VWC2: variants seen among roughly 807,000 people sequenced by gnomAD.
VWC2 encodes brorin.
A neutral mutation model predicts 29.8 loss-of-function variants in VWC2; 14 were observed. That is an observed-to-expected ratio of 0.47 (90% CI 0.31 to 0.74). The LOEUF is 0.74. VWC2 is among the 30% of genes least tolerant of loss of function. The probability of loss-of-function intolerance (pLI) is 0.05; values close to 1 mark genes in which losing one functional copy is unlikely to be tolerated. For synonymous variants in VWC2, 213 were observed against 199.0 expected, an observed-to-expected ratio of 1.07 and a Z score of -0.59; for missense variants, 457 against 459.8, an observed-to-expected ratio of 0.99 and a Z score of 0.05.
chr7:49,874,865 T>G (rs562913787), intron 3 of VWC2, among the ~76,000 whole-genome samples: 1 of 151,944 alleles, frequency 6.6e-6, no homozygotes, highest in South Asian at 2.1e-4. Flanking sequence ...TCAGAGAGTA[T>G]GGCCAGAACC....
At chr7:49,824,255 A>C (rs193194455) in intron 3 of VWC2, among the ~76,000 whole-genome samples, 3 of 152,300 alleles carry the variant, frequency 2.0e-5, no homozygotes, top group East Asian at 1.9e-4. Flanking sequence ...TTCTGGGTAC[A>C]TGGAGGGAGA....
chr7:49,877,346 C>T (rs1356805948), intron 3 of VWC2, among the ~76,000 whole-genome samples: 1 of 147,700 alleles, frequency 6.8e-6, no homozygotes, highest in Non-Finnish European at 1.5e-5. Flanking sequence ...CCTGTAATCC[C>T]AGCTACTTGG....
chr7:49,893,545 C>T (rs1326949303), intron 3 of VWC2, among the ~76,000 whole-genome samples: 2 of 152,052 alleles, frequency 1.3e-5, no homozygotes, highest in African/African-American at 4.8e-5. Flanking sequence ...GGAAAACACA[C>T]ATGTCCACAT....
intron 3 of VWC2, among the ~76,000 whole-genome samples, chr7:49,885,499 G>A (rs1791862360): frequency 6.6e-6 from 1 of 151,486 alleles, no homozygotes; most frequent in African/African-American, 2.4e-5. Context: ...ATTCTGAAAA[G>A]GTAAAACTCG....
At chr7:49,866,140 G>A (rs1790881561) in intron 3 of VWC2, among the ~76,000 whole-genome samples, 1 of 151,972 alleles carries the variant, frequency 6.6e-6, no homozygotes, top group Non-Finnish European at 1.5e-5. Context: ...TCTAAATTCT[G>A]CTTCTAAGCC....
intron 1 of VWC2, among the ~76,000 whole-genome samples, chr7:49,774,744 GC>G (rs956358094): frequency 2.6e-5 from 4 of 152,214 alleles, no homozygotes; most frequent in African/African-American, 9.6e-5. Context: ...GGCTTAGAGA[GC>G]GGGGAGGGGG....
intron 2 of VWC2, among the ~76,000 whole-genome samples, chr7:49,797,063 A>G (rs1009070679): frequency 6.6e-6 from 1 of 152,234 alleles, no homozygotes; most frequent in Admixed American, 6.5e-5. Context: ...GTCTATGTAC[A>G]TATGATATAA....
In VWC2 at chr7:49,884,668, G is replaced by C. The variant is rs1422425722; in HGVS notation, c.827-27366G>C. ...CAGTTGAGCTGGTTTCCTCAGGAGAGCAGGACCTGCTGCCTGACTGTGTCA... is the reference window on the plus strand; with the variant it reads ...CAGTTGAGCTGGTTTCCTCAGGAGACCAGGACCTGCTGCCTGACTGTGTCA... On this transcript the variant is annotated intron_variant, in intron 3 of 3. Coordinates refer to ENST00000340652, the MANE Select transcript of VWC2 (RefSeq NM_198570.5). Among the ~76,000 whole-genome samples the C allele has an allele frequency of 2.0e-5, 3 of 152,172 alleles. No individual in the cohort carries two copies. The East Asian group carries it at 5.8e-4, about 29-fold the overall frequency.
At chr7:49,806,921 T>G (rs903346628) in intron 3 of VWC2, among the ~76,000 whole-genome samples, 3 of 152,092 alleles carry the variant, frequency 2.0e-5, no homozygotes, top group Non-Finnish European at 2.9e-5. Context: ...ATAAAGGAAT[T>G]TACAAATATC....
chr7:49,794,743 T>C (rs923743102), intron 2 of VWC2, among the ~76,000 whole-genome samples: 1 of 152,202 alleles, frequency 6.6e-6, no homozygotes, highest in Non-Finnish European at 1.5e-5. Context: ...TTGTTGCACT[T>C]CTTCGTTGTA....
chr7:49,833,606 A>C (rs1789586098), intron 3 of VWC2, among the ~76,000 whole-genome samples: 1 of 152,208 alleles, frequency 6.6e-6, no homozygotes, highest in Admixed American at 6.5e-5. Context: ...GTCCATGCAA[A>C]TGTAGTCAAG....
At chr7:49,888,089 C>T (rs964171218) in intron 3 of VWC2, among the ~76,000 whole-genome samples, 2 of 152,212 alleles carry the variant, frequency 1.3e-5, no homozygotes, top group African/African-American at 4.8e-5. Context: ...CTCAGAGACT[C>T]TTCTCAGCCT....
chr7:49,897,090 T>C (rs925798711), intron 3 of VWC2, among the ~76,000 whole-genome samples: 3 of 151,578 alleles, frequency 2.0e-5, no homozygotes, highest in Admixed American at 6.6e-5. Flanking sequence ...AGAGACGGGG[T>C]TTCACCTTGT....
rs1788048926 is a variant in VWC2, at chr7:49,776,107, C to A, written c.672C>A (p.Thr224=). The A allele has an allele frequency of 1.3e-6, 2 of 1,538,840 alleles. No homozygotes were observed. The highest frequency in any genetic ancestry group is 8.7e-7 in the Non-Finnish European group (1 of 1,146,096). The part of the protein sequence containing the change: ...RKNYCEFRGK[T]YQTLEEFVVS... Reference sequence around the variant, plus strand: ...ACTACTGCGAGTTCCGGGGCAAGACCTATCAGACTTTGGAGGAGTTCGTGG... The same window carrying A: ...ACTACTGCGAGTTCCGGGGCAAGACATATCAGACTTTGGAGGAGTTCGTGG... The change falls in exon 2 of 4, where the codon ACC becomes ACA. Residue 224 remains threonine (T), a synonymous_variant. Transcript: ENST00000340652.
At chr7:49,845,287 T>A (rs35415192) in intron 3 of VWC2, among the ~76,000 whole-genome samples, 5,034 of 149,056 alleles carry the variant, frequency 0.034, 117 homozygotes, top group Non-Finnish European at 0.05. Context: ...AACTTAAAAG[T>A]CGAAGGAAAA....
At chr7:49,834,444 G>T (rs942273561) in intron 3 of VWC2, among the ~76,000 whole-genome samples, 1 of 152,166 alleles carries the variant, frequency 6.6e-6, no homozygotes, top group African/African-American at 2.4e-5. Context: ...CTCCAATTAT[G>T]TAAATATATA....
intron 3 of VWC2, among the ~76,000 whole-genome samples, chr7:49,865,930 C>T (rs1790865595): frequency 6.6e-6 from 1 of 152,212 alleles, no homozygotes; most frequent in Non-Finnish European, 1.5e-5. Flanking sequence ...CCCATTTGTC[C>T]AGTTGAGAAA....
intron 3 of VWC2, among the ~76,000 whole-genome samples, chr7:49,822,755 T>C (rs1425678366): frequency 6.6e-6 from 1 of 152,226 alleles, no homozygotes; most frequent in Non-Finnish European, 1.5e-5. Context: ...AGAATTTCAG[T>C]TGAGAATCAT....
chr7:49,817,821 C>T (rs1789181285), intron 3 of VWC2, among the ~76,000 whole-genome samples: 1 of 152,168 alleles, frequency 6.6e-6, no homozygotes, highest in South Asian at 2.1e-4. Flanking sequence ...CTTTTGAAAG[C>T]ACATCAGCCA....
Sources: allele counts gnomAD v4.1 joint callset (sites outside exome capture counted in the v4.1 genomes callset), GRCh38; gene constraint gnomAD v4.1.1; transcripts MANE v1.5; gene names NCBI Gene and HGNC (gene_info 2026-07-23, HGNC 2026-07-21).